ATXN1: variants seen among roughly 807,000 people sequenced by gnomAD.
ATXN1 encodes ataxin-1.
In ATXN1, 8 loss-of-function variants were observed where a neutral mutation model predicts 56.4. That is an observed-to-expected ratio of 0.14 (90% CI 0.08 to 0.26). ATXN1 has a LOEUF of 0.26. Ranked by LOEUF, ATXN1 falls within the 10% of genes least tolerant of loss-of-function variation. The probability of loss-of-function intolerance (pLI) is 1.00; values close to 1 mark genes in which losing one functional copy is unlikely to be tolerated. For missense variants in ATXN1, 987 were observed against 1,106.5 expected, an observed-to-expected ratio of 0.89 and a Z score of 1.53; for synonymous variants, 514 against 494.6, an observed-to-expected ratio of 1.04 and a Z score of -0.52.
rs577647612 is a variant in ATXN1 at position 16,505,741 on chromosome 6, G to A, written c.-299+16886C>T. On this transcript the variant is annotated intron_variant, in intron 5 of 7. Transcript: ENST00000436367. ...GCTCCGATAACAATAGCACTCTCAG[G>A]GAGAACCGACAGTTTAACGAAAGCA... Among the ~76,000 whole-genome samples the A allele has an allele frequency of 1.6e-3, 243 of 152,222 alleles. 1 individual carries two copies. The highest frequency in any genetic ancestry group is 2.8e-3 in the Non-Finnish European group (192 of 68,012).
intron 2 of ATXN1, among the ~76,000 whole-genome samples, chr6:16,684,204 G>A (rs757715720): frequency 6.6e-6 from 1 of 152,130 alleles, no homozygotes; most frequent in Non-Finnish European, 1.5e-5. Context: ...CCTTGGAGAT[G>A]ATCAAATCCA....
At chr6:16,648,191 A>G (rs922448190) in intron 3 of ATXN1, among the ~76,000 whole-genome samples, 7 of 152,194 alleles carry the variant, frequency 4.6e-5, no homozygotes, top group African/African-American at 1.7e-4. Context: ...TCCTCATTGA[A>G]GCTACTATTG....
chr6:16,653,658 T>C (rs1302422107), intron 3 of ATXN1, among the ~76,000 whole-genome samples: 1 of 152,116 alleles, frequency 6.6e-6, no homozygotes, highest in African/African-American at 2.4e-5. Context: ...ACAGAGTTAG[T>C]GATTACAAAA....
At chr6:16,641,149 G>C (rs77461267) in intron 3 of ATXN1, among the ~76,000 whole-genome samples, 29,527 of 152,210 alleles carry the variant, frequency 0.19, 3,449 homozygotes, top group East Asian at 0.48. Flanking sequence ...AAGTTGGTTC[G>C]TGAGATTTAA....
intron 3 of ATXN1, among the ~76,000 whole-genome samples, chr6:16,645,327 G>A (rs554015484): frequency 1.0e-3 from 154 of 152,318 alleles, no homozygotes; most frequent in African/African-American, 3.6e-3. Flanking sequence ...ATGGCCAGCT[G>A]CCAGCAGCAT....
intron 3 of ATXN1, among the ~76,000 whole-genome samples, chr6:16,620,637 G>T (rs999201120): frequency 2.0e-5 from 3 of 152,194 alleles, no homozygotes; most frequent in Non-Finnish European, 2.9e-5. Flanking sequence ...AAAGAAGCTA[G>T]ATGATCTAAG....
At chr6:16,743,777 G>T (rs541123286) in intron 2 of ATXN1, among the ~76,000 whole-genome samples, 218 of 152,312 alleles carry the variant, frequency 1.4e-3, no homozygotes, top group Non-Finnish European at 2.5e-3. Flanking sequence ...TGCAGAGAGA[G>T]GAGCTGGGTT....
intron 4 of ATXN1, among the ~76,000 whole-genome samples, chr6:16,535,538 A>G (rs1039814971): frequency 1.2e-4 from 19 of 152,240 alleles, no homozygotes; most frequent in African/African-American, 3.6e-4. Flanking sequence ...AACCTAAAGA[A>G]TAAAATAAAC....
At chr6:16,609,718 T>C (rs116675131) in intron 3 of ATXN1, among the ~76,000 whole-genome samples, 4,535 of 152,208 alleles carry the variant, frequency 0.03, 160 homozygotes, top group African/African-American at 0.085. Context: ...ACTGGCAACA[T>C]TGGGCTTATA....
intron 2 of ATXN1, among the ~76,000 whole-genome samples, chr6:16,742,164 A>G (rs1760362898): frequency 6.6e-6 from 1 of 152,174 alleles, no homozygotes. Context: ...GACCACTTAC[A>G]AAAGAAAAAA....
At chr6:16,389,985 G>A (rs1198274181) in intron 6 of ATXN1, among the ~76,000 whole-genome samples, 2 of 152,168 alleles carry the variant, frequency 1.3e-5, no homozygotes, top group African/African-American at 4.8e-5. Context: ...CCCAAAATTA[G>A]ATTTCCTTAC....
chr6:16,735,157 C>T (rs1052297764), intron 2 of ATXN1, among the ~76,000 whole-genome samples: 1 of 152,194 alleles, frequency 6.6e-6, no homozygotes, highest in Non-Finnish European at 1.5e-5. Context: ...CTTACTAGCT[C>T]TGTGACCTTG....
chr6:16,440,930 A>G (rs568523535), intron 6 of ATXN1, among the ~76,000 whole-genome samples: 4 of 152,184 alleles, frequency 2.6e-5, no homozygotes, highest in Admixed American at 6.5e-5. Flanking sequence ...GGCAGAAGCA[A>G]TATCTGTGCA....
At chr6:16,376,920 A>T (rs1762151398) in intron 6 of ATXN1, among the ~76,000 whole-genome samples, 1 of 152,252 alleles carries the variant, frequency 6.6e-6, no homozygotes, top group Admixed American at 6.5e-5. Context: ...GACATTCTTG[A>T]AAGGTAAGGA....
chr6:16,504,541 A>AT (rs1485979207), intron 5 of ATXN1, among the ~76,000 whole-genome samples: 7 of 152,210 alleles, frequency 4.6e-5, no homozygotes, highest in African/African-American at 1.7e-4. Context: ...TATCTATTTC[A>AT]TATTTGCACA....
chr6:16,597,691 C>T (rs1173230162), intron 3 of ATXN1, among the ~76,000 whole-genome samples: 1 of 150,636 alleles, frequency 6.6e-6, no homozygotes, highest in African/African-American at 2.5e-5. Context: ...CCACCCGCCT[C>T]GGCCTCCCAA....
chr6:16,549,574 G>C (rs1351849870), intron 4 of ATXN1, among the ~76,000 whole-genome samples: 1 of 152,154 alleles, frequency 6.6e-6, no homozygotes, highest in Non-Finnish European at 1.5e-5. Flanking sequence ...GCCCCAGGTT[G>C]TCCACTACTG....
chr6:16,609,823 A>T (rs1484846141), intron 3 of ATXN1, among the ~76,000 whole-genome samples: 1 of 152,216 alleles, frequency 6.6e-6, no homozygotes, highest in Admixed American at 6.5e-5. Flanking sequence ...CAAGTTTCAG[A>T]CAAGATGTGA....
chr6:16,434,880 AC>A (rs957622837), intron 6 of ATXN1, among the ~76,000 whole-genome samples: 7 of 152,236 alleles, frequency 4.6e-5, no homozygotes, highest in African/African-American at 1.7e-4. Context: ...AAAGAAAAGA[AC>A]GGGGTGATGG....
Sources: gnomAD v4.1 joint callset for allele counts (sites outside exome capture counted in the v4.1 genomes callset) on GRCh38, gnomAD v4.1.1 for gene constraint, MANE v1.5 for transcripts, NCBI Gene and HGNC (gene_info 2026-07-23, HGNC 2026-07-21) for gene names.